SKIC3: variants seen among roughly 807,000 people sequenced by gnomAD.
SKIC3 encodes superkiller complex protein 3.
the SKIC3 span, chr5:95,516,228 G>A: frequency 1.1e-6 from 1 of 898,530 alleles, no homozygotes; most frequent in Admixed American, 2.0e-5. Context: ...CTAGCATACT[G>A]GAGAGCATAC....
the SKIC3 span, chr5:95,498,426 A>C: frequency 9.9e-6 from 16 of 1,614,094 alleles, no homozygotes; most frequent in East Asian, 3.1e-4. Context: ...CTTGGAGTGC[A>C]TAAATCGCTG....
the SKIC3 span, chr5:95,517,386 G>A: frequency 1.9e-6 from 3 of 1,547,916 alleles, no homozygotes; most frequent in Non-Finnish European, 2.6e-6. Context: ...TTATCTCCCT[G>A]ATTATTACTT....
chr5:95,467,849 T>C, the SKIC3 span: 2 of 1,613,236 alleles, frequency 1.2e-6, no homozygotes, highest in Non-Finnish European at 1.7e-6. Flanking sequence ...ACATTTTAAA[T>C]AAAATCAATG....
chr5:95,536,934 T>C, the SKIC3 span: 4 of 1,612,238 alleles, frequency 2.5e-6, no homozygotes, highest in African/African-American at 2.7e-5. Flanking sequence ...AACTTGAAAA[T>C]ATAAAAGCAA....
At chr5:95,503,423 T>C in the SKIC3 span, among the ~76,000 whole-genome samples, 1 of 152,244 alleles carries the variant, frequency 6.6e-6, no homozygotes, top group African/African-American at 2.4e-5. Flanking sequence ...AAATGCATCA[T>C]ATAACATATT....
At chr5:95,465,916 T>C in the SKIC3 span, among the ~76,000 whole-genome samples, 1 of 152,340 alleles carries the variant, frequency 6.6e-6, no homozygotes, top group South Asian at 2.1e-4. Context: ...TCACAGGATA[T>C]TTAGAAATGC....
chr5:95,528,026 C>T, the SKIC3 span: 11 of 1,613,414 alleles, frequency 6.8e-6, no homozygotes, highest in Admixed American at 3.3e-5. Flanking sequence ...ATCAAGCGTA[C>T]GAATTGCTTC....
chr5:95,509,477 G>A, the SKIC3 span: 1 of 776,146 alleles, frequency 1.3e-6, no homozygotes, highest in Non-Finnish European at 2.3e-6. Flanking sequence ...ACCTGCAAAT[G>A]GCGTGAACAT....
chr5:95,524,797 T>C, the SKIC3 span, among the ~76,000 whole-genome samples: 1 of 152,132 alleles, frequency 6.6e-6, no homozygotes, highest in African/African-American at 2.4e-5. Flanking sequence ...AAAAGCACAG[T>C]GGCCTTTTAG....
At chr5:95,524,743 T>C in the SKIC3 span, 2 of 1,106,986 alleles carry the variant, frequency 1.8e-6, no homozygotes, top group Non-Finnish European at 2.5e-6. Flanking sequence ...ATTTATATTA[T>C]CATAAGGAAA....
the SKIC3 span, chr5:95,512,745 T>C: frequency 9.4e-7 from 1 of 1,060,874 alleles, no homozygotes; most frequent in South Asian, 1.4e-5. Context: ...AGTCAATTGT[T>C]AAAAGTACCT....
chr5:95,482,421 A>C, the SKIC3 span: 6 of 1,564,554 alleles, frequency 3.8e-6, no homozygotes, highest in East Asian at 1.3e-4. Context: ...ACATTAACTA[A>C]TATTATGAAG....
chr5:95,513,718 C>A, the SKIC3 span: 2 of 1,431,566 alleles, frequency 1.4e-6, no homozygotes, highest in South Asian at 1.2e-5. Context: ...ATGAAACTGT[C>A]TAGAAGAACC....
the SKIC3 span, chr5:95,468,022 C>T: frequency 6.2e-7 from 1 of 1,610,822 alleles, no homozygotes; most frequent in Non-Finnish European, 8.5e-7. Context: ...TAGTCCAAAG[C>T]ATGCAAATTA....
the SKIC3 span, among the ~76,000 whole-genome samples, chr5:95,485,574 C>G: frequency 6.6e-6 from 1 of 152,098 alleles, no homozygotes; most frequent in Non-Finnish European, 1.5e-5. Flanking sequence ...TCTACCTTCA[C>G]AAGCAATGTT....
the SKIC3 span, among the ~76,000 whole-genome samples, chr5:95,530,991 T>C: frequency 6.6e-6 from 1 of 152,042 alleles, no homozygotes; most frequent in South Asian, 2.1e-4. Flanking sequence ...AATAAATCAT[T>C]TAATCACATA....
At chr5:95,495,044 T>C in the SKIC3 span, 5 of 1,610,482 alleles carry the variant, frequency 3.1e-6, no homozygotes, top group South Asian at 1.1e-5. Flanking sequence ...TGATGATTTA[T>C]ACAAATGCAG....
the SKIC3 span, among the ~76,000 whole-genome samples, chr5:95,475,663 G>A: frequency 1.3e-5 from 2 of 152,260 alleles, no homozygotes; most frequent in South Asian, 2.1e-4. Context: ...CTTTAACTGT[G>A]GTATAAATTG....
chr5:95,525,391 T>G, the SKIC3 span: 1 of 1,613,210 alleles, frequency 6.2e-7, no homozygotes, highest in South Asian at 1.1e-5. Context: ...AATTTATATA[T>G]CCTTACCATT....
Sources: gnomAD v4.1 joint callset for allele counts (sites outside exome capture counted in the v4.1 genomes callset) on GRCh38, gnomAD v4.1.1 for gene constraint, MANE v1.5 for transcripts, NCBI Gene and HGNC (gene_info 2026-07-23, HGNC 2026-07-21) for gene names.